HERC1: variants seen among roughly 807,000 people sequenced by gnomAD.
HERC1 encodes probable E3 ubiquitin-protein ligase HERC1.
Under a neutral mutation model 554.3 loss-of-function variants are expected in HERC1, and 160 were observed. The ratio of observed to expected loss-of-function variants is 0.29; its 90% CI spans 0.25 to 0.33. The LOEUF (loss-of-function observed/expected upper bound fraction) is 0.33. Ranked by LOEUF, HERC1 falls within the 10% of genes least tolerant of loss-of-function variation. The pLI is 1.00. For missense variants in HERC1, 4,919 were observed against 5,918.5 expected, an observed-to-expected ratio of 0.83 and a Z score of 5.54; for synonymous variants, 2,175 against 2,131.7, an observed-to-expected ratio of 1.02 and a Z score of -0.56.
At chr15:63,665,641 T>C (rs946239415) in intron 42 of HERC1, among the ~76,000 whole-genome samples, 1 of 152,270 alleles carries the variant, frequency 6.6e-6, no homozygotes, top group Non-Finnish European at 1.5e-5. Flanking sequence ...TTTATTAGCA[T>C]GTTTACTTCA....
chr15:63,648,187 C>G lies in HERC1; in HGVS notation c.10760G>C (p.Cys3587Ser), dbSNP rs776445086. The change falls in exon 55 of 78, where the codon TGC (cysteine) becomes TCC (serine). Residue 3587 changes from cysteine (C) to serine (S), a missense_variant. Cys to Ser is a moderately radical substitution (Grantham distance 112). Coordinates refer to ENST00000443617, the MANE Select transcript of HERC1 (RefSeq NM_003922.4). ...TCTGTCTTCACTGAACCATGCAATG[C>G]AAGTAACAGACACTAACATGATCAA... ...HCYRKDVSVT[C>S]IAWFSEDRPF... The G allele has an allele frequency of 1.9e-6, 3 of 1,603,984 alleles. No homozygotes were observed. The highest frequency in any genetic ancestry group is 2.6e-6 in the Non-Finnish European group (3 of 1,174,612).
chr15:63,801,906 G>C (rs1458102998), intron 1 of HERC1, among the ~76,000 whole-genome samples: 2 of 152,130 alleles, frequency 1.3e-5, no homozygotes, highest in African/African-American at 4.8e-5. Flanking sequence ...CTGAGCTCCA[G>C]ACCTGGACAT....
intron 1 of HERC1, among the ~76,000 whole-genome samples, chr15:63,824,483 G>T (rs1423547168): frequency 6.8e-6 from 1 of 147,562 alleles, no homozygotes; most frequent in African/African-American, 2.5e-5. Context: ...GCAGTGAGCT[G>T]AGATCATGCC....
chr15:63,609,175 C>T lies in HERC1; in HGVS notation c.14492G>A (p.Arg4831His), dbSNP rs757210641. ...TGAGCGGCAGTTGTTGATGGCATAG[C>T]GCAGGCGCTCGGCCATGACCAGCTG... is the stretch of plus-strand genomic sequence containing the variant. ...SSQLVMAERL[R>H]YAINNCRSID... The change falls in exon 78 of 78, where the codon CGC (arginine) becomes CAC (histidine). Residue 4831 changes from arginine to histidine, a missense_variant. Physicochemically the swap from Arg to His is conservative, Grantham distance 29. Coordinates refer to ENST00000443617, the MANE Select transcript of HERC1 (RefSeq NM_003922.4). 24 of 1,613,716 alleles carry T rather than the reference C, an allele frequency of 1.5e-5. No homozygotes were observed. In the South Asian group the frequency reaches 1.5e-4, roughly 10 times the overall value.
At position 63,749,097 on chromosome 15, in the gene HERC1, A is replaced by T. The variant is rs1403875124; in HGVS notation, c.2219+270T>A. ...AGATATTTAATTTTTTTAAATCAGCATGTAGAGATGAGAGAGAACTCAAAA... is the reference window on the plus strand; with the variant it reads ...AGATATTTAATTTTTTTAAATCAGCTTGTAGAGATGAGAGAGAACTCAAAA... On this transcript the variant is annotated intron_variant, in intron 10 of 77. Transcript: ENST00000443617. The surrounding 1 kb of genome is among the most constrained non-coding windows in gnomAD (Gnocchi z 4.1). 6.6e-6 allele frequency among the ~76,000 whole-genome samples: 1 copy of T among 152,202 alleles called. No individual in the cohort carries two copies. The highest frequency in any genetic ancestry group is 2.4e-5 in the African/African-American group (1 of 41,462).
At chr15:63,794,151 A>G (rs921836984) in intron 1 of HERC1, among the ~76,000 whole-genome samples, 2 of 152,220 alleles carry the variant, frequency 1.3e-5, no homozygotes, top group African/African-American at 2.4e-5. Context: ...TTAGCATATC[A>G]TCAACATATA....
chr15:63,671,984 T>A lies in HERC1; in HGVS notation c.8045+512A>T, dbSNP rs139654760. Among the ~76,000 whole-genome samples, 320 of 152,266 alleles carry A rather than the reference T, an allele frequency of 2.1e-3. 3 individuals are homozygous for A. Among genetic ancestry groups the A allele is most frequent in the African/African-American group, 6.9e-3 (288 of 41,554 alleles). ...AAATTTAAGTAAGCATCACTTGGAATTTACAAACCTATTAAAATAGAGTTG... is the reference window on the plus strand; with the variant it reads ...AAATTTAAGTAAGCATCACTTGGAAATTACAAACCTATTAAAATAGAGTTG... On this transcript the variant is annotated intron_variant, in intron 39 of 77. Coordinates refer to ENST00000443617, the MANE Select transcript of HERC1 (RefSeq NM_003922.4).
chr15:63,741,197 T>A (rs919943660), intron 12 of HERC1, among the ~76,000 whole-genome samples: 1 of 151,690 alleles, frequency 6.6e-6, no homozygotes, highest in Non-Finnish European at 1.5e-5. Flanking sequence ...CCTGGCTAAT[T>A]TTTGTATTTT....
At chr15:63,788,979 T>A (rs1480186291) in intron 1 of HERC1, among the ~76,000 whole-genome samples, 1 of 151,320 alleles carries the variant, frequency 6.6e-6, no homozygotes, top group Non-Finnish European at 1.5e-5. Context: ...TCTATTAACA[T>A]TAACCAATTT....
chr15:63,716,209 T>C (rs1284200766), intron 22 of HERC1, 93 bp downstream of exon 22: 2 of 1,186,572 alleles, frequency 1.7e-6, no homozygotes, highest in African/African-American at 1.5e-5. Flanking sequence ...TTAGAAAAAC[T>C]ATGGAGAAAC....
Position 63,716,474 on chromosome 15 carries a change from C to A in HERC1, c.3979-1G>T. 6.3e-7 allele frequency: 1 copy of A among 1,583,466 alleles called. No individual in the cohort carries two copies. The highest frequency in any genetic ancestry group is 8.6e-7 in the Non-Finnish European group (1 of 1,169,082). ...CTGCAGAGTCCTGGTTTTCTGATAT[C>A]TTAAAGAAATTATCAGAAACTACAC... is the stretch of plus-strand genomic sequence containing the variant. On this transcript the variant is annotated splice_acceptor_variant, in intron 21 of 77. Coordinates refer to ENST00000443617, the MANE Select transcript of HERC1 (RefSeq NM_003922.4). LOFTEE classifies it high-confidence loss of function.
chr15:63,703,314 T>A (rs2072830085), intron 25 of HERC1, among the ~76,000 whole-genome samples: 1 of 152,100 alleles, frequency 6.6e-6, no homozygotes, highest in South Asian at 2.1e-4. Context: ...AATCTTAGTA[T>A]CCCCACTGTC....
chr15:63,721,129 A>G (rs1338850157), intron 19 of HERC1, among the ~76,000 whole-genome samples: 1 of 152,232 alleles, frequency 6.6e-6, no homozygotes, highest in Non-Finnish European at 1.5e-5. Context: ...CAAATATGAA[A>G]TATCAGAAAA....
intron 1 of HERC1, among the ~76,000 whole-genome samples, chr15:63,781,895 G>A (rs2076299882): frequency 1.3e-5 from 2 of 152,206 alleles, no homozygotes; most frequent in African/African-American, 4.8e-5. Context: ...AGTCTGAGTG[G>A]TCTGGATAGA....
intron 2 of HERC1, among the ~76,000 whole-genome samples, chr15:63,772,000 T>C (rs2075970181): frequency 2.0e-5 from 3 of 152,036 alleles, no homozygotes; most frequent in Non-Finnish European, 4.4e-5. Context: ...CAGGTGCCTG[T>C]AGTCCCAGTT....
chr15:63,699,116 G>A, intron 25 of HERC1, 120 bp from the exon 26 acceptor site: 1 of 844,402 alleles, frequency 1.2e-6, no homozygotes, highest in Non-Finnish European at 1.9e-6. Flanking sequence ...ACTCATGTTT[G>A]AATACGCGCA....
intron 1 of HERC1, among the ~76,000 whole-genome samples, chr15:63,787,344 G>A: frequency 6.7e-6 from 1 of 149,436 alleles, no homozygotes; most frequent in South Asian, 2.1e-4. Context: ...TTTAGTAGAG[G>A]CAGGGTTTCA....
rs887748368 is a variant in HERC1, at chr15:63,818,175, AT to A, written c.-27+15651del. Among the ~76,000 whole-genome samples, 9 of 151,984 alleles carry A rather than the reference AT, an allele frequency of 5.9e-5. No individual in the cohort carries two copies. The South Asian group carries it at 6.2e-4, about 11-fold the overall frequency. On this transcript the variant is annotated intron_variant, in intron 1 of 77. Coordinates refer to ENST00000443617, the MANE Select transcript of HERC1 (RefSeq NM_003922.4). ...GTGTTTAAGTATTATTTATTTTTAA[AT>A]TTTTTTTATTAAATAAAGCAACAGT...
intron 41 of HERC1, 49 bp from the exon 42 acceptor site, chr15:63,666,199 G>C: frequency 6.7e-7 from 1 of 1,498,544 alleles, no homozygotes; most frequent in Non-Finnish European, 9.1e-7. Context: ...AAAGAATTAG[G>C]TCTTTATGTT....
Sources: allele counts gnomAD v4.1 joint callset (sites outside exome capture counted in the v4.1 genomes callset), GRCh38; gene constraint gnomAD v4.1.1; non-coding constraint Gnocchi (gnomAD v3.1); transcripts MANE v1.5; gene names NCBI Gene and HGNC (gene_info 2026-07-23, HGNC 2026-07-21).